The following CRPPA variants were observed in gnomAD, a reference collection of about 807,000 sequenced individuals.
CRPPA encodes CDP-L-ribitol pyrophosphorylase A.
In CRPPA, 43 loss-of-function variants were observed where a neutral mutation model predicts 52.0. That is an observed-to-expected ratio of 0.83 (90% CI 0.65 to 1.07). CRPPA has a LOEUF of 1.07. Ranked by LOEUF, CRPPA falls within the 50% of genes least tolerant of loss-of-function variation. The pLI is 0.00. For missense variants in CRPPA, 629 were observed against 551.7 expected, an observed-to-expected ratio of 1.14 and a Z score of -1.40; for synonymous variants, 250 against 203.5, an observed-to-expected ratio of 1.23 and a Z score of -1.94.
At chr7:16,116,556 T>C (rs1485743231) in intron 9 of CRPPA, among the ~76,000 whole-genome samples, 1 of 151,048 alleles carries the variant, frequency 6.6e-6, no homozygotes, top group African/African-American at 2.4e-5. Flanking sequence ...TCCCAGCTAC[T>C]TGGGAAGCTG....
intron 6 of CRPPA, chr7:16,261,812 C>T (rs913377556): frequency 6.6e-6 from 1 of 152,054 alleles, no homozygotes; most frequent in African/African-American, 2.4e-5. Flanking sequence ...CAATGTCAAG[C>T]AGTTTCCCCC....
intron 8 of CRPPA, among the ~76,000 whole-genome samples, chr7:16,253,798 G>C (rs965259116): frequency 6.6e-6 from 1 of 152,028 alleles, no homozygotes; most frequent in Admixed American, 6.6e-5. Flanking sequence ...GAGTGAACAG[G>C]CAACCTACAG....
rs1175134468 is a variant in CRPPA, at chr7:16,286,044, AATATATAT to A, written c.836-7826_836-7819del. Among the ~76,000 whole-genome samples the A allele has an allele frequency of 8.9e-3, 111 of 12,540 alleles. 6 individuals are homozygous for A. The highest frequency in any genetic ancestry group is 0.013 in the African/African-American group (25 of 1,894). 8.2% of individuals were successfully genotyped at this position (12,540 alleles called of 152,430 possible). A position where few individuals can be genotyped will look rare whatever the true frequency, so the allele number is the denominator to read the frequency against. On this transcript the variant is annotated intron_variant, in intron 5 of 9. Transcript: ENST00000407010. Reference sequence around the variant, plus strand: ...TCAAAAAAAAAAAAAAAAAAATATAAATATATATATATATATATATATATATATATATA... The same window carrying A: ...TCAAAAAAAAAAAAAAAAAAATATAAATATATATATATATATATATATATA...
chr7:16,105,788 G>A (rs747033492), intron 9 of CRPPA, among the ~76,000 whole-genome samples: 2 of 152,042 alleles, frequency 1.3e-5, no homozygotes, highest in Non-Finnish European at 2.9e-5. Context: ...AGGCAGAAAG[G>A]TGCCCACTTC....
chr7:16,378,324 T>C (rs1786963123), intron 2 of CRPPA, among the ~76,000 whole-genome samples: 1 of 133,608 alleles, frequency 7.5e-6, no homozygotes, highest in Non-Finnish European at 1.5e-5. Context: ...TGTGTTCCCA[T>C]TGTTCAATTC....
At chr7:16,288,684 T>C (rs1784496885) in intron 5 of CRPPA, among the ~76,000 whole-genome samples, 1 of 151,254 alleles carries the variant, frequency 6.6e-6, no homozygotes, top group Admixed American at 6.6e-5. Flanking sequence ...CCATCTCTGC[T>C]AAACATACAA....
At chr7:16,186,342 T>C (rs2128389105) in intron 9 of CRPPA, among the ~76,000 whole-genome samples, 1 of 152,298 alleles carries the variant, frequency 6.6e-6, no homozygotes, top group African/African-American at 2.4e-5. Context: ...AGTACCCTTG[T>C]AAGAGGCTAG....
At chr7:16,214,738 C>T (rs926151089) in intron 9 of CRPPA, among the ~76,000 whole-genome samples, 1 of 152,166 alleles carries the variant, frequency 6.6e-6, no homozygotes, top group Non-Finnish European at 1.5e-5. Flanking sequence ...AACTCCTAAC[C>T]TCAAGTGATC....
At chr7:16,359,956 C>T (rs772778474) in intron 3 of CRPPA, among the ~76,000 whole-genome samples, 3 of 152,140 alleles carry the variant, frequency 2.0e-5, no homozygotes, top group Non-Finnish European at 2.9e-5. Flanking sequence ...AGTAACAACT[C>T]TATTATTGTT....
At chr7:16,091,841 T>C (rs1781844628) in intron 9 of CRPPA, 42 bp from the exon 10 acceptor site, 1 of 1,172,452 alleles carries the variant, frequency 8.5e-7, no homozygotes, top group Non-Finnish European at 1.2e-6. Context: ...AGAAAAAACA[T>C]ATGCCATGTG....
At chr7:16,393,102 G>C (rs1443231979) in intron 2 of CRPPA, among the ~76,000 whole-genome samples, 2 of 152,066 alleles carry the variant, frequency 1.3e-5, no homozygotes, top group Non-Finnish European at 2.9e-5. Context: ...CAAAATATTG[G>C]GGGTGGAGAG....
intron 3 of CRPPA, among the ~76,000 whole-genome samples, chr7:16,325,605 A>T (rs1001450982): frequency 1.3e-5 from 2 of 152,168 alleles, no homozygotes; most frequent in African/African-American, 4.8e-5. Flanking sequence ...ACCATTTGTA[A>T]ATGTGCCAAA....
chr7:16,268,276 A>G (rs1784004466), intron 6 of CRPPA, among the ~76,000 whole-genome samples: 1 of 152,138 alleles, frequency 6.6e-6, no homozygotes, highest in African/African-American at 2.4e-5. Context: ...ATGATAGAAA[A>G]TAAAGAAAAT....
At chr7:16,270,601 T>G (rs1784068589) in intron 6 of CRPPA, 1 of 152,128 alleles carries the variant, frequency 6.6e-6, no homozygotes, top group Non-Finnish European at 1.5e-5. Context: ...TCAAATGGAT[T>G]TAATGAGATG....
chr7:16,172,826 T>C (rs1172072011), intron 9 of CRPPA, among the ~76,000 whole-genome samples: 1 of 152,110 alleles, frequency 6.6e-6, no homozygotes, highest in Non-Finnish European at 1.5e-5. Context: ...TCAATTTAAG[T>C]ATCAAGAAGC....
intron 3 of CRPPA, among the ~76,000 whole-genome samples, chr7:16,367,424 T>G (rs1488670215): frequency 1.3e-5 from 2 of 152,188 alleles, no homozygotes; most frequent in African/African-American, 2.4e-5. Context: ...TAATGCTTGG[T>G]GAATATAAAG....
chr7:16,326,420 T>C (rs1477826023), intron 3 of CRPPA, among the ~76,000 whole-genome samples: 4 of 152,150 alleles, frequency 2.6e-5, no homozygotes, highest in African/African-American at 9.7e-5. Context: ...TGGAATAAAA[T>C]AGATCATCTG....
Position 16,228,691 on chromosome 7 carries a change from ACACT to A in CRPPA, c.1120-12498_1120-12495del, listed in dbSNP as rs1417369654. ...TATAATTTCAATCTTAAGTATTTTA[ACACT>A]TGTTTCATAGCCTAACATGATTTAC... On this transcript the variant is annotated intron_variant, in intron 8 of 9. Transcript: ENST00000407010. 8.0e-3 allele frequency among the ~76,000 whole-genome samples: 1,209 copies of A among 152,074 alleles called. 13 individuals are homozygous for A. The highest frequency in any genetic ancestry group is 0.028 in the African/African-American group (1,150 of 41,538).
intron 4 of CRPPA, among the ~76,000 whole-genome samples, chr7:16,306,429 A>T (rs1784912850): frequency 6.6e-6 from 1 of 152,210 alleles, no homozygotes; most frequent in African/African-American, 2.4e-5. Context: ...TGCTGGAGAG[A>T]ACAGAGAAAT....
Sources: gnomAD v4.1 joint callset for allele counts (sites outside exome capture counted in the v4.1 genomes callset) on GRCh38, gnomAD v4.1.1 for gene constraint, MANE v1.5 for transcripts, NCBI Gene and HGNC (gene_info 2026-07-23, HGNC 2026-07-21) for gene names.